The following SLC35F3 variants were observed in gnomAD, a reference collection of about 807,000 sequenced individuals.
SLC35F3 encodes solute carrier family 35 member F3, also known as putative thiamine transporter SLC35F3.
Under a neutral mutation model 49.9 loss-of-function variants are expected in SLC35F3, and 25 were observed. That is an observed-to-expected ratio of 0.50 (90% CI 0.37 to 0.70). SLC35F3 has a LOEUF of 0.70. Among genes scored for constraint, SLC35F3 ranks in the 30% least tolerant of loss-of-function variants. The probability of loss-of-function intolerance (pLI) is 0.00; values close to 1 mark genes in which losing one functional copy is unlikely to be tolerated. For synonymous variants in SLC35F3, 275 were observed against 265.4 expected (o/e 1.04, Z -0.35); for missense variants, 525 against 639.8 (o/e 0.82, Z 1.94).
At chr1:234,254,154 G>A (rs1667781478) in intron 3 of SLC35F3, among the ~76,000 whole-genome samples, 1 of 152,202 alleles carries the variant, frequency 6.6e-6, no homozygotes, top group African/African-American at 2.4e-5. Context: ...ATCTAAGAGT[G>A]CCATATTTGG....
chr1:233,954,301 C>A (rs182328671), intron 2 of SLC35F3, among the ~76,000 whole-genome samples: 2 of 151,864 alleles, frequency 1.3e-5, no homozygotes, highest in African/African-American at 4.8e-5. Flanking sequence ...CCACTGCTCC[C>A]GGCCTAGAGC....
At chr1:233,940,601 G>A (rs1662405108) in intron 2 of SLC35F3, among the ~76,000 whole-genome samples, 2 of 152,184 alleles carry the variant, frequency 1.3e-5, no homozygotes, top group East Asian at 1.9e-4. Flanking sequence ...TTACTCACCT[G>A]ACAATACAGC....
intron 2 of SLC35F3, among the ~76,000 whole-genome samples, chr1:234,058,496 C>T (rs1477990949): frequency 6.6e-6 from 1 of 151,656 alleles, no homozygotes; most frequent in Non-Finnish European, 1.5e-5. Flanking sequence ...AGGCATGCAC[C>T]ATTATGCTCA....
chr1:234,152,399 G>A (rs1348757262), intron 2 of SLC35F3, among the ~76,000 whole-genome samples: 2 of 151,984 alleles, frequency 1.3e-5, no homozygotes, highest in African/African-American at 4.8e-5. Context: ...CCCATCCACT[G>A]ACAGGCCCCG....
At chr1:234,021,208 T>C (rs1019907944) in intron 2 of SLC35F3, among the ~76,000 whole-genome samples, 26 of 148,496 alleles carry the variant, frequency 1.8e-4, no homozygotes, top group African/African-American at 6.7e-4. Context: ...CACAACCAGG[T>C]CACTGCTGAG....
chr1:234,063,261 A>G (rs1290819742), intron 2 of SLC35F3, among the ~76,000 whole-genome samples: 1 of 152,210 alleles, frequency 6.6e-6, no homozygotes. Context: ...CCTGGAAATT[A>G]TCACCAGACC....
intron 2 of SLC35F3, among the ~76,000 whole-genome samples, chr1:234,029,834 C>T (rs983918220): frequency 2.6e-5 from 4 of 151,970 alleles, no homozygotes; most frequent in Admixed American, 6.6e-5. Context: ...TGCACTCCAG[C>T]CTGGGCAATA....
chr1:233,984,922 A>G (rs765987049), intron 2 of SLC35F3, among the ~76,000 whole-genome samples: 3 of 152,208 alleles, frequency 2.0e-5, no homozygotes, highest in Admixed American at 6.5e-5. Context: ...CTTCTTGTTC[A>G]TCAAGTTGCT....
chr1:234,065,472 T>G (rs1664604370), intron 2 of SLC35F3, among the ~76,000 whole-genome samples: 1 of 152,236 alleles, frequency 6.6e-6, no homozygotes, highest in African/African-American at 2.4e-5. Flanking sequence ...TAAAATAAAT[T>G]GGCTTCTGGT....
At chr1:234,291,541 C>T (rs1668508146) in intron 3 of SLC35F3, among the ~76,000 whole-genome samples, 1 of 152,174 alleles carries the variant, frequency 6.6e-6, no homozygotes, top group South Asian at 2.1e-4. Flanking sequence ...TCATGGCTCA[C>T]TGCAGTCTCT....
chr1:234,011,779 A>G (rs191288105), intron 2 of SLC35F3, among the ~76,000 whole-genome samples: 3 of 152,316 alleles, frequency 2.0e-5, no homozygotes, highest in East Asian at 1.9e-4. Context: ...TCACTATTCA[A>G]GGACCTGCTG....
At chr1:234,230,391 T>C (rs1667349403) in intron 2 of SLC35F3, among the ~76,000 whole-genome samples, 1 of 151,336 alleles carries the variant, frequency 6.6e-6, no homozygotes, top group East Asian at 1.9e-4. Flanking sequence ...TATTCAGGAC[T>C]CATCTCCTCC....
intron 2 of SLC35F3, among the ~76,000 whole-genome samples, chr1:234,015,221 C>T (rs1349798653): frequency 6.6e-6 from 1 of 151,776 alleles, no homozygotes; most frequent in African/African-American, 2.4e-5. Context: ...TGTGGTGTGC[C>T]CCTGTAATCC....
chr1:234,130,788 A>G (rs756716880), intron 2 of SLC35F3, among the ~76,000 whole-genome samples: 2 of 152,226 alleles, frequency 1.3e-5, no homozygotes, highest in African/African-American at 4.8e-5. Context: ...AATTGAATGT[A>G]TTTATGCCAA....
chr1:234,065,690 A>G (rs894572239), intron 2 of SLC35F3, among the ~76,000 whole-genome samples: 3 of 152,230 alleles, frequency 2.0e-5, no homozygotes, highest in Non-Finnish European at 4.4e-5. Context: ...AACAGTATGT[A>G]TGACCTTTTG....
chr1:234,274,510 A>G (rs1465793660), intron 3 of SLC35F3: 1 of 152,258 alleles, frequency 6.6e-6, no homozygotes, highest in Non-Finnish European at 1.5e-5. Flanking sequence ...AAAACAGCAC[A>G]TAATCAATTG....
At chr1:233,937,945 G>A (rs6667430) in intron 2 of SLC35F3, among the ~76,000 whole-genome samples, 51,668 of 151,908 alleles carry the variant, frequency 0.34, 9,688 homozygotes, top group African/African-American at 0.51. Context: ...AGTGATGTCC[G>A]TTAATTAGTT....
At chr1:233,928,232 A>G (rs1173886989) in intron 2 of SLC35F3, among the ~76,000 whole-genome samples, 1 of 152,186 alleles carries the variant, frequency 6.6e-6, no homozygotes, top group Non-Finnish European at 1.5e-5. Context: ...CCAAGGAGAA[A>G]TGGGATAATT....
intron 3 of SLC35F3, among the ~76,000 whole-genome samples, chr1:234,245,299 T>C (rs984388407): frequency 1.5e-4 from 23 of 152,236 alleles, no homozygotes; most frequent in Non-Finnish European, 7.3e-5. Flanking sequence ...TGACATGATT[T>C]CATTCCTTTT....
Sources: allele counts gnomAD v4.1 joint callset (sites outside exome capture counted in the v4.1 genomes callset), GRCh38; gene constraint gnomAD v4.1.1; transcripts MANE v1.5; gene names NCBI Gene and HGNC (gene_info 2026-07-23, HGNC 2026-07-21).